The following DLEU7 variants were observed in gnomAD, a reference collection of about 807,000 sequenced individuals.
DLEU7 encodes leukemia-associated protein 7.
A neutral mutation model predicts 16.0 loss-of-function variants in DLEU7; 17 were observed. The ratio of observed to expected loss-of-function variants is 1.06; its 90% CI spans 0.73 to 1.59. The LOEUF is 1.59. Among genes scored for constraint, DLEU7 ranks in the 40% most tolerant of loss-of-function variants. The pLI is 0.00. For synonymous variants in DLEU7, 113 were observed against 139.8 expected (o/e 0.81, Z 1.35); for missense variants, 308 against 314.9 (o/e 0.98, Z 0.17).
At chr13:50,818,866 C>T (rs1290439211), downstream of DLEU7, among the ~76,000 whole-genome samples, 1 of 152,140 alleles carries the variant, frequency 6.6e-6, no homozygotes, top group Non-Finnish European at 1.5e-5. Context: ...CTCCCTTTGC[C>T]TTCTTCTTAT....
intron 1 of DLEU7, among the ~76,000 whole-genome samples, chr13:50,760,325 T>C (rs956580286): frequency 2.6e-5 from 4 of 152,182 alleles, no homozygotes; most frequent in Non-Finnish European, 4.4e-5. Flanking sequence ...TATAAGTACT[T>C]TTAAGCACTT....
intron 1 of DLEU7, among the ~76,000 whole-genome samples, chr13:50,732,606 C>CAA (rs58395582): frequency 0.03 from 1,983 of 65,562 alleles, 183 homozygotes; most frequent in Non-Finnish European, 0.04. Context: ...GACTCCATCT[C>CAA]AAAAAAAAAA....
At chr13:50,713,032 A>G in exon 2 of DLEU7, 1 of 613,514 alleles carries the variant, frequency 1.6e-6, no homozygotes, top group Non-Finnish European at 2.8e-6. Context: ...ATCGGAGGTA[A>G]TAAGAAGTCA....
At chr13:50,745,443 GAGTTTC>G (rs1874367522) in intron 1 of DLEU7, among the ~76,000 whole-genome samples, 1 of 152,144 alleles carries the variant, frequency 6.6e-6, no homozygotes, top group African/African-American at 2.4e-5. Context: ...AACGGGTACA[GAGTTTC>G]AGTTTTGGGA....
chr13:50,750,928 T>C (rs1210138242), intron 1 of DLEU7, among the ~76,000 whole-genome samples: 3 of 152,298 alleles, frequency 2.0e-5, no homozygotes, highest in South Asian at 4.1e-4. Flanking sequence ...GCCCTTTACT[T>C]CTTTCTCTTG....
chr13:50,843,434 G>A lies in DLEU7; in HGVS notation c.213C>T (p.Gly71=). 16 of 1,307,336 alleles carry A rather than the reference G, an allele frequency of 1.2e-5. No individual in the cohort carries two copies. The highest frequency in any genetic ancestry group is 1.5e-5 in the Non-Finnish European group (15 of 1,034,360). 81.0% of individuals were successfully genotyped at this position (1,307,336 alleles called of 1,614,324 possible). ...PGPGREERGG[G]VGTRSRRTAA... is the part of the protein sequence containing the mutation. ...CGGTCCGCCGACTCCTGGTCCCCAC[G>A]CCCCCGCCCCGCTCCTCGCGCCCGG... The change falls in exon 1 of 2, where the codon GGC becomes GGT. Residue 71 remains glycine (G), a synonymous_variant. Transcript: ENST00000504404. The surrounding 1 kb of genome is among the most constrained non-coding windows in gnomAD (Gnocchi z 5.7).
intron 1 of DLEU7, among the ~76,000 whole-genome samples, chr13:50,810,185 G>GA (rs5803535): frequency 0.028 from 3,622 of 129,912 alleles, 113 homozygotes; most frequent in African/African-American, 0.076. Context: ...AGAAATTCTG[G>GA]AAAAAAAAAA....
At chr13:50,747,735 T>C (rs1874443511) in intron 1 of DLEU7, among the ~76,000 whole-genome samples, 1 of 151,872 alleles carries the variant, frequency 6.6e-6, no homozygotes, top group African/African-American at 2.4e-5. Flanking sequence ...AAGATGGGAG[T>C]TATAAACTTT....
intron 1 of DLEU7, among the ~76,000 whole-genome samples, chr13:50,837,666 C>T (rs1202388605): frequency 6.6e-6 from 1 of 152,112 alleles, no homozygotes; most frequent in Non-Finnish European, 1.5e-5. Context: ...TCTTTGAAGA[C>T]ACAAATCTCA....
rs994922287 is a variant in DLEU7, at chr13:50,790,619, C to G, written c.459+52569G>C. Among the ~76,000 whole-genome samples, 6 of 152,086 alleles carry G rather than the reference C, an allele frequency of 3.9e-5. No individual in the cohort carries two copies. In the South Asian group the frequency reaches 8.3e-4, roughly 21 times the overall value. On this transcript the variant is annotated intron_variant, in intron 1 of 1. Coordinates refer to the DLEU7 transcript ENST00000400393. ...AGGCATGTCTGGGGAAAGTTTGGAA[C>G]AGCCAAGCTGGGATGGTTAGTCTGT...
At position 50,812,591 on chromosome 13, in the gene DLEU7, C is replaced by T. The variant is rs558989207; in HGVS notation, c.459+30597G>A. Among the ~76,000 whole-genome samples, 24 of 152,260 alleles carry T rather than the reference C, an allele frequency of 1.6e-4. No homozygotes were observed. The East Asian group carries it at 3.9e-3, about 25-fold the overall frequency. On this transcript the variant is annotated intron_variant, in intron 1 of 1. Transcript: ENST00000400393. Reference sequence around the variant, plus strand: ...GTCTCCATGCATCTGAGGTGTAGCACAGCCCCTACCACAGTTATGTCTGCA... The same window carrying T: ...GTCTCCATGCATCTGAGGTGTAGCATAGCCCCTACCACAGTTATGTCTGCA...
Position 50,843,076 on chromosome 13 carries a change from G to A in DLEU7, c.459+112C>T. On this transcript the variant is annotated intron_variant, in intron 1 of 1. Coordinates refer to ENST00000504404, the MANE Select transcript of DLEU7 (RefSeq NM_001306135.2). This position sits in a 1 kb window ranked among gnomAD's most constrained non-coding sequence, Gnocchi z 5.7. ...CTCCCACTGGGGCTGAATCACAGTG[G>A]GCAGCAGTGTTTGGGATCCTGCGAT... The A allele has an allele frequency of 9.3e-7, 1 of 1,074,602 alleles. No individual in the cohort carries two copies. The allele number at this position is 1,074,602 out of a possible 1,614,324, so 66.6% of individuals were successfully genotyped here.
intron 1 of DLEU7, among the ~76,000 whole-genome samples, chr13:50,736,549 C>A (rs1874076150): frequency 6.6e-6 from 1 of 151,940 alleles, no homozygotes; most frequent in Non-Finnish European, 1.5e-5. Flanking sequence ...TGAAATGTAG[C>A]AAAAGCAATC....
chr13:50,731,947 TATTA>T (rs1277399169), intron 1 of DLEU7, among the ~76,000 whole-genome samples: 1 of 152,356 alleles, frequency 6.6e-6, no homozygotes, highest in African/African-American at 2.4e-5. Context: ...CACATATGTA[TATTA>T]ATTGCATAAA....
At chr13:50,801,047 TC>T (rs1182455493) in intron 1 of DLEU7, among the ~76,000 whole-genome samples, 2 of 152,176 alleles carry the variant, frequency 1.3e-5, no homozygotes, top group Non-Finnish European at 2.9e-5. Context: ...TTTTCACATT[TC>T]ATAGAAATGA....
Position 50,783,128 on chromosome 13 carries a change from G to T in DLEU7, c.459+60060C>A, listed in dbSNP as rs954709946. On this transcript the variant is annotated intron_variant, in intron 1 of 1. Coordinates refer to the DLEU7 transcript ENST00000400393. ...TCAGTCTCCTTATCTCCGGTAGATG[G>T]ATTCTAAAGTGTGTTTCTCCATTTC... Among the ~76,000 whole-genome samples, 7 of 152,324 alleles carry T rather than the reference G, an allele frequency of 4.6e-5. 1 individual carries two copies. Among genetic ancestry groups the T allele is most frequent in the African/African-American group, 1.7e-4 (7 of 41,578 alleles).
chr13:50,736,560 C>G (rs918957440), intron 1 of DLEU7, among the ~76,000 whole-genome samples: 1 of 151,294 alleles, frequency 6.6e-6, no homozygotes, highest in Non-Finnish European at 1.5e-5. Flanking sequence ...AAAAGCAATC[C>G]CTAGAGAAAA....
chr13:50,766,114 G>A (rs1875097544), intron 1 of DLEU7, among the ~76,000 whole-genome samples: 1 of 152,178 alleles, frequency 6.6e-6, no homozygotes, highest in Non-Finnish European at 1.5e-5. Context: ...TCTGGCTAGA[G>A]CAACACAGCA....
At chr13:50,740,626 C>A (rs900534155) in intron 1 of DLEU7, among the ~76,000 whole-genome samples, 1 of 151,998 alleles carries the variant, frequency 6.6e-6, no homozygotes, top group Non-Finnish European at 1.5e-5. Flanking sequence ...GCCTTTTTAT[C>A]GCTAATCTCT....
Sources: allele counts gnomAD v4.1 joint callset (sites outside exome capture counted in the v4.1 genomes callset), GRCh38; gene constraint gnomAD v4.1.1; non-coding constraint Gnocchi (gnomAD v3.1); transcripts MANE v1.5; gene names NCBI Gene and HGNC (gene_info 2026-07-23, HGNC 2026-07-21).